Variants in YES1 observed in about 807,000 individuals in gnomAD.
The protein encoded by YES1 is YES proto-oncogene 1, Src family tyrosine kinase.
A neutral mutation model predicts 70.4 loss-of-function variants in YES1; 39 were observed. The ratio of observed to expected loss-of-function variants is 0.55; its 90% CI spans 0.43 to 0.72. The LOEUF (loss-of-function observed/expected upper bound fraction) is 0.72. Among genes scored for constraint, YES1 ranks in the 30% least tolerant of loss-of-function variants. The pLI is 0.00. For missense variants in YES1, 495 were observed against 644.8 expected (o/e 0.77, Z 2.52); for synonymous variants, 198 against 218.6 (o/e 0.91, Z 0.83).
intron 1 of YES1, among the ~76,000 whole-genome samples, chr18:766,921 T>C (rs1322741228): frequency 6.6e-6 from 1 of 152,228 alleles, no homozygotes; most frequent in East Asian, 1.9e-4. Context: ...AGTTCATAGG[T>C]TGCCTTTGCA....
At chr18:769,288 G>C (rs552475327) in intron 1 of YES1, among the ~76,000 whole-genome samples, 1 of 152,152 alleles carries the variant, frequency 6.6e-6, no homozygotes, top group Non-Finnish European at 1.5e-5. Context: ...TGTATATTAC[G>C]TTCTTGTGAC....
intron 11 of YES1, among the ~76,000 whole-genome samples, chr18:731,797 C>A (rs2080090919): frequency 6.6e-6 from 1 of 151,738 alleles, no homozygotes; most frequent in South Asian, 2.1e-4. Flanking sequence ...GAAACCCCGT[C>A]TCTACTAAAA....
intron 8 of YES1, 45 bp from the exon 9 acceptor site, chr18:739,856 T>C (rs367847824): frequency 2.7e-6 from 4 of 1,473,084 alleles, no homozygotes; most frequent in Admixed American, 1.8e-5. Context: ...GCAAATCTTA[T>C]ATTAGGATTG....
chr18:771,569 G>T (rs1905159283), intron 1 of YES1, among the ~76,000 whole-genome samples: 2 of 152,080 alleles, frequency 1.3e-5, no homozygotes, highest in African/African-American at 4.8e-5. Flanking sequence ...ACTTTTTTGT[G>T]ATGGGGTTTC....
chr18:724,206 G>C lies in YES1; in HGVS notation c.*218C>G. Reference sequence around the variant, plus strand: ...GTCATCAGTATCTTAGCTCTATTTTGTTTGGACCCTGAAATACGCTGATAA... The same window carrying C: ...GTCATCAGTATCTTAGCTCTATTTTCTTTGGACCCTGAAATACGCTGATAA... On this transcript the variant is annotated 3_prime_UTR_variant, in exon 12 of 12. Coordinates refer to ENST00000314574, the MANE Select transcript of YES1 (RefSeq NM_005433.4). 1 of 535,650 alleles carries C rather than the reference G, an allele frequency of 1.9e-6. No individual in the cohort carries two copies. Among genetic ancestry groups the C allele is most frequent in the Non-Finnish European group, 3.3e-6 (1 of 300,434 alleles). 33.2% of individuals were successfully genotyped at this position (535,650 alleles called of 1,614,324 possible). A position where few individuals can be genotyped will look rare whatever the true frequency, so the allele number is the denominator to read the frequency against.
intron 1 of YES1, among the ~76,000 whole-genome samples, chr18:800,847 T>C (rs1281402411): frequency 3.3e-5 from 5 of 151,944 alleles, no homozygotes; most frequent in Non-Finnish European, 5.9e-5. Flanking sequence ...GCCCCATCTC[T>C]GGAAAAAATA....
At chr18:803,615 T>A (rs905028035) in intron 1 of YES1, among the ~76,000 whole-genome samples, 2 of 152,214 alleles carry the variant, frequency 1.3e-5, no homozygotes, top group African/African-American at 4.8e-5. Context: ...GAAGTTTCTG[T>A]ACTTAAATTA....
At chr18:726,039 CTTA>C (rs1405643695) in intron 11 of YES1, among the ~76,000 whole-genome samples, 1 of 152,078 alleles carries the variant, frequency 6.6e-6, no homozygotes, top group African/African-American at 2.4e-5. Context: ...TTATTTTATG[CTTA>C]TTATTTTAAT....
intron 11 of YES1, among the ~76,000 whole-genome samples, chr18:728,816 G>A (rs1230336418): frequency 6.6e-6 from 1 of 152,154 alleles, no homozygotes; most frequent in Non-Finnish European, 1.5e-5. Context: ...GAGCCACTGC[G>A]CCCAGCTGCA....
intron 1 of YES1, among the ~76,000 whole-genome samples, chr18:806,918 G>C (rs1907126858): frequency 6.6e-6 from 1 of 152,082 alleles, no homozygotes; most frequent in Admixed American, 6.6e-5. Context: ...AAATTCCAAA[G>C]ACAAGATAAG....
intron 4 of YES1, among the ~76,000 whole-genome samples, chr18:747,341 T>C (rs1001367324): frequency 3.9e-5 from 6 of 152,092 alleles, no homozygotes; most frequent in Non-Finnish European, 8.8e-5. Flanking sequence ...TGGTGGTGCA[T>C]GCCTGTAGTC....
chr18:783,882 G>A (rs976165348), intron 1 of YES1, among the ~76,000 whole-genome samples: 1 of 152,060 alleles, frequency 6.6e-6, no homozygotes, highest in Non-Finnish European at 1.5e-5. Context: ...CCAAAGTGCT[G>A]GGATTACAGG....
chr18:732,726 G>T, intron 11 of YES1, 108 bp downstream of exon 11: 1 of 1,390,170 alleles, frequency 7.2e-7, no homozygotes, highest in Non-Finnish European at 1.0e-6. Context: ...GAGGCAGGGG[G>T]ACTATGAGAA....
chr18:721,697 AG>A lies in YES1; in HGVS notation c.*2726del, dbSNP rs2079954035. 1 of 152,232 alleles carries A rather than the reference AG, an allele frequency of 6.6e-6. No individual in the cohort carries two copies. Among genetic ancestry groups the A allele is most frequent in the African/African-American group, 2.4e-5 (1 of 41,468 alleles). The allele number at this position is 152,232 out of a possible 1,614,324, so 9.4% of individuals were successfully genotyped here. Reference sequence around the variant, plus strand: ...TGGAAGAATAAATTCAGAATATATCAGTTTTTAAAAAACGAATGAGAATATG... The same window carrying A: ...TGGAAGAATAAATTCAGAATATATCATTTTTAAAAAACGAATGAGAATATG... On this transcript the variant is annotated 3_prime_UTR_variant, in exon 12 of 12. Transcript: ENST00000314574.
intron 1 of YES1, among the ~76,000 whole-genome samples, chr18:806,966 G>A (rs191670394): frequency 1.9e-3 from 290 of 152,300 alleles, no homozygotes; most frequent in African/African-American, 6.7e-3. Context: ...AGATAGTAGT[G>A]GTAAAAGTAA....
intron 1 of YES1, among the ~76,000 whole-genome samples, chr18:776,018 C>T (rs11660899): frequency 0.33 from 50,204 of 151,782 alleles, 8,682 homozygotes; most frequent in African/African-American, 0.41. Flanking sequence ...TGAACATTCC[C>T]GAGCCCTCCT....
chr18:760,442 C>T (rs1904530882), intron 1 of YES1, among the ~76,000 whole-genome samples: 1 of 152,038 alleles, frequency 6.6e-6, no homozygotes, highest in Non-Finnish European at 1.5e-5. Flanking sequence ...TGCACTCCAG[C>T]CTGGGTGAAA....
intron 1 of YES1, among the ~76,000 whole-genome samples, chr18:781,289 A>AAAAAT: frequency 6.6e-6 from 1 of 151,378 alleles, no homozygotes; most frequent in African/African-American, 2.4e-5. Flanking sequence ...AAAAAAAATA[A>AAAAAT]GAGGGCCTTG....
At chr18:744,087 T>C in intron 6 of YES1, among the ~76,000 whole-genome samples, 1 of 150,892 alleles carries the variant, frequency 6.6e-6, no homozygotes, top group East Asian at 1.9e-4. Context: ...TTTAAGTTAT[T>C]ATTTACTAAA....
Sources: gnomAD v4.1 joint callset for allele counts (sites outside exome capture counted in the v4.1 genomes callset) on GRCh38, gnomAD v4.1.1 for gene constraint, MANE v1.5 for transcripts, NCBI Gene and HGNC (gene_info 2026-07-23, HGNC 2026-07-21) for gene names.